AGAP3: variants seen among roughly 807,000 people sequenced by gnomAD.
AGAP3 encodes arf-GAP with GTPase, ANK repeat and PH domain-containing protein 3.
AGAP3 carries 24 observed loss-of-function variants against 96.9 expected under a neutral mutation model. That is an observed-to-expected ratio of 0.25 (90% CI 0.18 to 0.35). AGAP3 has a LOEUF of 0.35. Among genes scored for constraint, AGAP3 ranks in the 10% least tolerant of loss-of-function variants. AGAP3 has a pLI of 1.00. For synonymous variants in AGAP3, 563 were observed against 536.1 expected (o/e 1.05, Z -0.69); for missense variants, 876 against 1,254.2 (o/e 0.70, Z 4.55).
chr7:151,106,487 T>A (rs1310613469), intron 1 of AGAP3, among the ~76,000 whole-genome samples: 1 of 152,052 alleles, frequency 6.6e-6, no homozygotes, highest in East Asian at 1.9e-4. Flanking sequence ...CAGGTGCTTT[T>A]TTTTGTTTTT....
intron 1 of AGAP3, among the ~76,000 whole-genome samples, chr7:151,087,628 G>C (rs1798213925): frequency 6.6e-6 from 1 of 152,190 alleles, no homozygotes; most frequent in Non-Finnish European, 1.5e-5. Flanking sequence ...GCGACCGCGT[G>C]GGAGGCGCCG....
In AGAP3 at chr7:151,118,684, C is replaced by T. The variant is rs769786956; in HGVS notation, c.969+52C>T. The T allele has an allele frequency of 3.1e-6, 5 of 1,591,036 alleles. No individual in the cohort carries two copies. The highest frequency in any genetic ancestry group is 3.4e-6 in the Non-Finnish European group (4 of 1,169,356). On this transcript the variant is annotated intron_variant, in intron 7 of 17. Transcript: ENST00000397238. This position sits in a 1 kb window ranked among gnomAD's most constrained non-coding sequence, Gnocchi z 6.1. ...TCCTGTCCCCACCATGTCTGTCTTG[C>T]CTCTGTGCGTCCTGCCACTTCTGCT...
intron 1 of AGAP3, chr7:151,115,704 G>T: frequency 2.0e-6 from 2 of 1,022,458 alleles, no homozygotes; most frequent in Non-Finnish European, 2.4e-6. Flanking sequence ...AGCCGGACGC[G>T]CCCAGGGCAG....
chr7:151,126,251 A>G (rs1490686691), intron 9 of AGAP3, among the ~76,000 whole-genome samples: 3 of 152,076 alleles, frequency 2.0e-5, no homozygotes, highest in African/African-American at 7.2e-5. Context: ...CTGGGTCGGA[A>G]AGGAGGTGCG....
At chr7:151,126,795 G>T (rs938232275) in intron 9 of AGAP3, among the ~76,000 whole-genome samples, 1 of 152,160 alleles carries the variant, frequency 6.6e-6, no homozygotes, top group African/African-American at 2.4e-5. Context: ...GGCAGGGCCC[G>T]CTTGCCTTGT....
chr7:151,103,232 C>G (rs1798904133), intron 1 of AGAP3, among the ~76,000 whole-genome samples: 1 of 152,306 alleles, frequency 6.6e-6, no homozygotes, highest in South Asian at 2.1e-4. Context: ...AAGGAAATGG[C>G]CCAAGGCTGC....
At chr7:151,117,929 GT>G in intron 5 of AGAP3, 152 bp downstream of exon 5, 2 of 1,180,556 alleles carry the variant, frequency 1.7e-6, no homozygotes, top group Non-Finnish European at 2.3e-6. Flanking sequence ...TGCTGCTCGT[GT>G]CTGAGGGCTT....
chr7:151,123,344 C>T (rs1800006445), intron 8 of AGAP3: 1 of 1,044,200 alleles, frequency 9.6e-7, no homozygotes, highest in Non-Finnish European at 1.2e-6. Context: ...CCACTGTGCC[C>T]CTTGGGCCAC....
At chr7:151,107,724 AG>A (rs1242471874) in intron 1 of AGAP3, among the ~76,000 whole-genome samples, 8 of 152,126 alleles carry the variant, frequency 5.3e-5, no homozygotes, top group Admixed American at 5.2e-4. Context: ...TGCATTTTAG[AG>A]GCTCATTGGG....
At chr7:151,120,725 T>G in intron 8 of AGAP3, 1 of 1,213,406 alleles carries the variant, frequency 8.2e-7, no homozygotes, top group Admixed American at 2.9e-5. Flanking sequence ...TTCACCACGC[T>G]GCCTCGTTCC....
intron 9 of AGAP3, 83 bp from the exon 10 acceptor site, chr7:151,128,497 A>G: frequency 2.6e-6 from 3 of 1,137,244 alleles, no homozygotes; most frequent in Non-Finnish European, 3.9e-6. Context: ...GGGGGAGGGC[A>G]TTGCCTGACG....
intron 9 of AGAP3, among the ~76,000 whole-genome samples, chr7:151,124,553 G>T (rs1347426780): frequency 6.6e-6 from 1 of 152,182 alleles, no homozygotes; most frequent in Non-Finnish European, 1.5e-5. Context: ...CATAAGAACG[G>T]GGGCACTTGG....
chr7:151,130,639 C>T (rs1800366913), intron 10 of AGAP3, among the ~76,000 whole-genome samples: 1 of 152,112 alleles, frequency 6.6e-6, no homozygotes. Context: ...TCTTAGAATT[C>T]ACCCTGCAAG....
chr7:151,116,855 A>G lies in AGAP3; in HGVS notation c.390+4A>G, dbSNP rs1799610790. 1 of 1,613,734 alleles carries G rather than the reference A, an allele frequency of 6.2e-7. No individual in the cohort carries two copies. Among genetic ancestry groups the G allele is most frequent in the East Asian group, 2.2e-5 (1 of 44,858 alleles). On this transcript the variant is annotated splice_donor_region_variant and intron_variant, in intron 2 of 17. Coordinates refer to ENST00000397238, the MANE Select transcript of AGAP3 (RefSeq NM_031946.7). ...CTCCGTACCGGAGCTTAAAGTGGTGAGTGTGGCCCATGGGCAGCACCGGCG... is the reference window on the plus strand; with the variant it reads ...CTCCGTACCGGAGCTTAAAGTGGTGGGTGTGGCCCATGGGCAGCACCGGCG...
chr7:151,130,303 G>A (rs1487568538), intron 10 of AGAP3, among the ~76,000 whole-genome samples: 1 of 152,196 alleles, frequency 6.6e-6, no homozygotes, highest in African/African-American at 2.4e-5. Flanking sequence ...GTGGGTTGTG[G>A]GGTTGGGCTG....
rs773109811 is a variant in AGAP3 at position 151,142,058 on chromosome 7, T to C, written c.1959+6T>C. 2.5e-6 allele frequency: 4 copies of C among 1,611,808 alleles called. No individual in the cohort carries two copies. The South Asian group carries it at 4.4e-5, about 18-fold the overall frequency. On this transcript the variant is annotated splice_donor_region_variant and intron_variant, in intron 14 of 17. Transcript: ENST00000397238. The surrounding 1 kb of genome is among the most constrained non-coding windows in gnomAD (Gnocchi z 7.5). ...GCCGCAGTGCCAAGGACAAGGTGGGTACAGAGTGACTGGGCCCACACAGAG... is the reference window on the plus strand; with the variant it reads ...GCCGCAGTGCCAAGGACAAGGTGGGCACAGAGTGACTGGGCCCACACAGAG...
chr7:151,130,427 T>C (rs1031531556), intron 10 of AGAP3, among the ~76,000 whole-genome samples: 1 of 152,116 alleles, frequency 6.6e-6, no homozygotes, highest in African/African-American at 2.4e-5. Context: ...ACCCATGACT[T>C]TGGCTCTGAG....
intron 8 of AGAP3, chr7:151,123,053 C>T: frequency 7.7e-7 from 1 of 1,292,852 alleles, no homozygotes; most frequent in South Asian, 1.9e-5. Context: ...ACGCCCGGCG[C>T]TGGCCAGCGC....
intron 1 of AGAP3, among the ~76,000 whole-genome samples, chr7:151,107,580 C>T (rs566434795): frequency 8.1e-5 from 12 of 147,244 alleles, no homozygotes; most frequent in African/African-American, 2.8e-4. Flanking sequence ...GCTGTGATGG[C>T]GCCATTGCAC....
Sources: allele counts gnomAD v4.1 joint callset (sites outside exome capture counted in the v4.1 genomes callset), GRCh38; gene constraint gnomAD v4.1.1; non-coding constraint Gnocchi (gnomAD v3.1); transcripts MANE v1.5; gene names NCBI Gene and HGNC (gene_info 2026-07-23, HGNC 2026-07-21).